SLC39A8: variants seen among roughly 807,000 people sequenced by gnomAD.
SLC39A8 encodes the protein metal cation symporter ZIP8.
SLC39A8 carries 15 observed loss-of-function variants against 40.4 expected under a neutral mutation model. That is an observed-to-expected ratio of 0.37 (90% CI 0.25 to 0.57). The LOEUF (loss-of-function observed/expected upper bound fraction) is 0.57, where lower values mean the gene tolerates loss of function less well. Among genes scored for constraint, SLC39A8 ranks in the 20% least tolerant of loss-of-function variants. SLC39A8 has a pLI of 0.75. For missense variants in SLC39A8, 472 were observed against 558.8 expected (o/e 0.84, Z 1.57); for synonymous variants, 223 against 221.6 (o/e 1.01, Z -0.06).
At chr4:102,295,452 T>C (rs964067911) in intron 6 of SLC39A8, among the ~76,000 whole-genome samples, 12 of 152,076 alleles carry the variant, frequency 7.9e-5, no homozygotes, top group Non-Finnish European at 1.2e-4. Context: ...CCAAACAGAG[T>C]AAATAGTACA....
rs115694968 is a variant in SLC39A8 at position 102,288,425 on chromosome 4, A to T, written c.840+15892T>A. Among the ~76,000 whole-genome samples, 1,276 of 152,202 alleles carry T rather than the reference A, an allele frequency of 8.4e-3. 19 individuals carry two copies. The highest frequency in any genetic ancestry group is 0.029 in the African/African-American group (1,198 of 41,544). On this transcript the variant is annotated intron_variant, in intron 6 of 8. Transcript: ENST00000356736. The stretch of plus-strand genomic sequence containing the variant: ...GCCTCTCTATTCCCTGAGACACAAG[A>T]GAATTGAAATTATGCTAACTAATAA...
intron 6 of SLC39A8, among the ~76,000 whole-genome samples, chr4:102,302,731 C>A (rs949637505): frequency 6.6e-6 from 1 of 151,920 alleles, no homozygotes; most frequent in African/African-American, 2.4e-5. Context: ...GTCATACTCT[C>A]CTAATTACAA....
chr4:102,283,648 C>CA (rs1171073622), intron 6 of SLC39A8, among the ~76,000 whole-genome samples: 2 of 152,038 alleles, frequency 1.3e-5, no homozygotes, highest in African/African-American at 4.8e-5. Flanking sequence ...TTACAGATTG[C>CA]AAAAACTGAT....
At chr4:102,344,943 G>A (rs1282867164) in intron 1 of SLC39A8, 28 bp from the exon 2 acceptor site, 1 of 1,206,534 alleles carries the variant, frequency 8.3e-7, no homozygotes, top group Non-Finnish European at 1.0e-6. Flanking sequence ...AAGGGGGACA[G>A]AGATAAAGGC....
intron 6 of SLC39A8, among the ~76,000 whole-genome samples, chr4:102,270,441 T>C (rs566509276): frequency 1.3e-5 from 2 of 152,328 alleles, no homozygotes; most frequent in South Asian, 4.1e-4. Flanking sequence ...CTTTTTTAAT[T>C]CACCTAGAAT....
chr4:102,257,819 C>A (rs983743806), downstream of SLC39A8, among the ~76,000 whole-genome samples: 1 of 152,238 alleles, frequency 6.6e-6, no homozygotes, highest in Non-Finnish European at 1.5e-5. Flanking sequence ...TAAATACATG[C>A]TCTGTCATAA....
At position 102,267,708 on chromosome 4, in the gene SLC39A8, G is replaced by GT. The variant is rs10685391; in HGVS notation, c.1049-35dup. On this transcript the variant is annotated intron_variant, in intron 7 of 8. Coordinates refer to ENST00000356736, the MANE Select transcript of SLC39A8 (RefSeq NM_001135146.2). ...AGAAGAAGAAAATATCAAGTGAATA[G>GT]TTTTTTTTTTATTTCTGGATGATAT... 17,004 of 1,319,800 alleles carry GT rather than the reference G, an allele frequency of 0.013. 68 individuals carry two copies. The highest frequency in any genetic ancestry group is 0.048 in the African/African-American group (3,285 of 67,748). The allele number at this position is 1,319,800 out of a possible 1,614,324, so 81.8% of individuals were successfully genotyped here. A position where few individuals can be genotyped will look rare whatever the true frequency, so the allele number is the denominator to read the frequency against.
rs773458333 is a variant in SLC39A8, at chr4:102,315,803, G to C, written c.247C>G (p.Leu83Val). The C allele has an allele frequency of 1.9e-6, 3 of 1,612,698 alleles. No individual in the cohort carries two copies. The highest frequency in any genetic ancestry group is 2.5e-6 in the Non-Finnish European group (3 of 1,179,312). The change falls in exon 3 of 9, where the codon CTT (leucine) becomes GTT (valine). Residue 83 changes from leucine (L) to valine (V), a missense_variant. Physicochemically the swap from Leu to Val is conservative, Grantham distance 32. Coordinates refer to ENST00000356736, the MANE Select transcript of SLC39A8 (RefSeq NM_001135146.2). ...QCLTAEEIFS[L>V]HGFSNATQIT... is the part of the protein sequence containing the mutation. ...TGGGTAGCATTTGAAAAGCCATGAA[G>C]GGAAAAGATCTCTTCAGCAGTTAAA...
chr4:102,257,311 C>T (rs1731730306), downstream of SLC39A8, among the ~76,000 whole-genome samples: 2 of 152,028 alleles, frequency 1.3e-5, no homozygotes, highest in Admixed American at 1.3e-4. Context: ...CCACCACCCC[C>T]AGCTAATTTA....
chr4:102,289,219 T>C (rs146647803), intron 6 of SLC39A8, among the ~76,000 whole-genome samples: 1 of 152,312 alleles, frequency 6.6e-6, no homozygotes, highest in East Asian at 1.9e-4. Context: ...CAACACAGCC[T>C]GGATGGTAAC....
intron 2 of SLC39A8, among the ~76,000 whole-genome samples, chr4:102,323,894 T>C (rs1346246968): frequency 2.0e-5 from 3 of 152,216 alleles, no homozygotes; most frequent in African/African-American, 7.2e-5. Context: ...TTGCCCCTAA[T>C]AGTGAGTTGA....
chr4:102,304,422 A>C lies in SLC39A8; in HGVS notation c.735T>G (p.Pro245=), dbSNP rs1734052788. Residue 245 remains proline (P), a synonymous_variant, in exon 6 of 9, where the codon CCT becomes CCG. Transcript: ENST00000356736. The part of the protein sequence containing the change: ...NFGPQEKTHQ[P]KALPAINGVT... ...CACCATTGATGGCAGGTAATGCTTT[A>C]GGTTGATGAGTTTTTTCTTGAGGAC... 2 of 1,611,564 alleles carry C rather than the reference A, an allele frequency of 1.2e-6. No homozygotes were observed. The highest frequency in any genetic ancestry group is 3.3e-5 in the Admixed American group (2 of 59,810).
At chr4:102,273,015 T>G (rs563215001) in intron 6 of SLC39A8, among the ~76,000 whole-genome samples, 1 of 152,108 alleles carries the variant, frequency 6.6e-6, no homozygotes, top group Admixed American at 6.5e-5. Context: ...CAAAACTGGG[T>G]GGTTGTTTGG....
chr4:102,318,781 G>A lies in SLC39A8; in HGVS notation c.220-2951C>T, dbSNP rs150245136. 4.2e-3 allele frequency among the ~76,000 whole-genome samples: 647 copies of A among 152,292 alleles called. 2 individuals carry two copies. Among genetic ancestry groups the A allele is most frequent in the Non-Finnish European group, 7.7e-3 (523 of 68,012 alleles). On this transcript the variant is annotated intron_variant, in intron 2 of 8. Transcript: ENST00000356736. ...AGAAAACTATTCAGGATGATTGTACGGAATGCTATCTGCCTTAATAAAACT... is the reference window on the plus strand; with the variant it reads ...AGAAAACTATTCAGGATGATTGTACAGAATGCTATCTGCCTTAATAAAACT...
intron 6 of SLC39A8, among the ~76,000 whole-genome samples, chr4:102,298,989 C>A (rs781586679): frequency 6.8e-6 from 1 of 146,452 alleles, no homozygotes; most frequent in Non-Finnish European, 1.5e-5. Context: ...GGCAGCCACC[C>A]CAAATGATGA....
intron 2 of SLC39A8, among the ~76,000 whole-genome samples, chr4:102,343,728 T>G (rs1736036093): frequency 6.6e-6 from 1 of 152,222 alleles, no homozygotes; most frequent in South Asian, 2.1e-4. Flanking sequence ...TCCTACGTAG[T>G]TTGAAGCTTG....
chr4:102,315,008 C>T (rs972112675), intron 3 of SLC39A8, among the ~76,000 whole-genome samples: 1 of 152,130 alleles, frequency 6.6e-6, no homozygotes, highest in Non-Finnish European at 1.5e-5. Context: ...AATTTTCAAA[C>T]AGACTCCCTG....
intron 6 of SLC39A8, among the ~76,000 whole-genome samples, chr4:102,280,692 A>C (rs1732833208): frequency 6.6e-6 from 1 of 152,240 alleles, no homozygotes; most frequent in African/African-American, 2.4e-5. Flanking sequence ...AATATAATTC[A>C]AATGCACTTA....
At chr4:102,273,416 G>C (rs1169649458) in intron 6 of SLC39A8, among the ~76,000 whole-genome samples, 1 of 152,196 alleles carries the variant, frequency 6.6e-6, no homozygotes, top group Non-Finnish European at 1.5e-5. Flanking sequence ...TCTGGGCAAG[G>C]CATCTCTGGC....
Sources: allele counts gnomAD v4.1 joint callset (sites outside exome capture counted in the v4.1 genomes callset), GRCh38; gene constraint gnomAD v4.1.1; transcripts MANE v1.5; gene names NCBI Gene and HGNC (gene_info 2026-07-23, HGNC 2026-07-21).